The following ARID4B variants were observed in gnomAD, a reference collection of about 807,000 sequenced individuals.
The protein encoded by ARID4B is AT-rich interaction domain 4B.
In ARID4B, 26 loss-of-function variants were observed where a neutral mutation model predicts 147.5. The ratio of observed to expected loss-of-function variants is 0.18; its 90% CI spans 0.13 to 0.24. The LOEUF (loss-of-function observed/expected upper bound fraction) is 0.24, where lower values mean the gene tolerates loss of function less well. Among genes scored for constraint, ARID4B ranks in the 10% least tolerant of loss-of-function variants. ARID4B has a pLI of 1.00. For synonymous variants in ARID4B, 512 were observed against 507.9 expected, an observed-to-expected ratio of 1.01 and a Z score of -0.11; for missense variants, 1,179 against 1,511.5, an observed-to-expected ratio of 0.78 and a Z score of 3.65.
intron 18 of ARID4B, among the ~76,000 whole-genome samples, chr1:235,195,490 G>A (rs552216696): frequency 2.8e-4 from 42 of 152,038 alleles, no homozygotes; most frequent in Non-Finnish European, 5.7e-4. Context: ...CTACTCGGGA[G>A]GCTGAGGCAT....
At chr1:235,185,999 C>G (rs1258507971) in intron 19 of ARID4B, among the ~76,000 whole-genome samples, 1 of 146,138 alleles carries the variant, frequency 6.8e-6, no homozygotes. Flanking sequence ...GAGACTGAGT[C>G]TTGCTCTGTC....
At chr1:235,324,299 T>C (rs866437089) in intron 2 of ARID4B, among the ~76,000 whole-genome samples, 1 of 152,210 alleles carries the variant, frequency 6.6e-6, no homozygotes. Context: ...ACAAATTCCT[T>C]ATGTATTACG....
At position 235,253,513 on chromosome 1, in the gene ARID4B, G is replaced by C. The variant is rs141794934; in HGVS notation, c.275-704C>G. ...ATGTCTATTAAAAGGTGATGGAAGT[G>C]TTAAGCAACTTGGCTGCAGTAATTA... On this transcript the variant is annotated intron_variant, in intron 5 of 23. Transcript: ENST00000264183. Among the ~76,000 whole-genome samples, 133 of 152,320 alleles carry C rather than the reference G, an allele frequency of 8.7e-4. 2 individuals carry two copies. The highest frequency in any genetic ancestry group is 3.0e-3 in the African/African-American group (126 of 41,574).
intron 8 of ARID4B, among the ~76,000 whole-genome samples, chr1:235,238,329 T>C (rs1030397850): frequency 3.9e-5 from 6 of 152,164 alleles, no homozygotes; most frequent in Non-Finnish European, 8.8e-5. Context: ...TTATTGAATG[T>C]CATTAACATA....
In ARID4B at chr1:235,263,715, G is replaced by A. The variant is rs574464730; in HGVS notation, c.7-2963C>T. On this transcript the variant is annotated intron_variant, in intron 2 of 23. Coordinates refer to ENST00000264183, the MANE Select transcript of ARID4B (RefSeq NM_016374.6). ...AAGACTTGCAGAAGGAGGGCTGGGC[G>A]CGGGACTCACACCTGTAATCCCACC... Among the ~76,000 whole-genome samples, 6 of 151,894 alleles carry A rather than the reference G, an allele frequency of 4.0e-5. No homozygotes were observed. The South Asian group carries it at 6.2e-4, about 16-fold the overall frequency.
chr1:235,258,010 A>G (rs2103111271), intron 3 of ARID4B, among the ~76,000 whole-genome samples: 1 of 152,246 alleles, frequency 6.6e-6, no homozygotes, highest in African/African-American at 2.4e-5. Context: ...TTAGGTAGGT[A>G]TGACTGTTCC....
intron 17 of ARID4B, among the ~76,000 whole-genome samples, chr1:235,201,093 C>G (rs1013970369): frequency 8.6e-5 from 13 of 151,984 alleles, no homozygotes; most frequent in Admixed American, 2.0e-4. Flanking sequence ...GGCAGTGAGC[C>G]AAGATCGCAC....
intron 10 of ARID4B, among the ~76,000 whole-genome samples, 178 bp from the exon 11 acceptor site, chr1:235,229,563 T>C (rs538807259): frequency 6.6e-6 from 1 of 152,366 alleles, no homozygotes; most frequent in South Asian, 2.1e-4. Context: ...TTTAATCCTA[T>C]CCATCCTATG....
intron 2 of ARID4B, among the ~76,000 whole-genome samples, chr1:235,270,016 C>T (rs1211404643): frequency 3.3e-5 from 5 of 152,042 alleles, no homozygotes; most frequent in African/African-American, 4.8e-5. Context: ...GGGCGCGGTG[C>T]CTCACGCCTG....
chr1:235,231,914 A>C (rs1013721805), intron 9 of ARID4B, among the ~76,000 whole-genome samples: 1 of 152,144 alleles, frequency 6.6e-6, no homozygotes, highest in African/African-American at 2.4e-5. Flanking sequence ...CAAGACCAGG[A>C]TAGGTAATAT....
intron 17 of ARID4B, among the ~76,000 whole-genome samples, chr1:235,207,833 GATTTA>G (rs1432131641): frequency 1.3e-5 from 2 of 152,110 alleles, no homozygotes; most frequent in Non-Finnish European, 2.9e-5. Flanking sequence ...CTCCTAAGAG[GATTTA>G]ATTTGTTTGG....
At chr1:235,309,407 C>T (rs543008485) in intron 2 of ARID4B, among the ~76,000 whole-genome samples, 5 of 151,284 alleles carry the variant, frequency 3.3e-5, no homozygotes, top group Admixed American at 6.6e-5. Flanking sequence ...GGCAGCCACC[C>T]GTCCGGGAGG....
At chr1:235,214,465 A>AT (rs1437446577) in intron 16 of ARID4B, among the ~76,000 whole-genome samples, 1 of 152,030 alleles carries the variant, frequency 6.6e-6, no homozygotes, top group Non-Finnish European at 1.5e-5. Context: ...TGTTTGTTTC[A>AT]TTTTTTTAGA....
At chr1:235,195,925 A>G in intron 18 of ARID4B, 106 bp downstream of exon 18, 1 of 695,630 alleles carries the variant, frequency 1.4e-6, no homozygotes, top group South Asian at 1.8e-5. Flanking sequence ...CATTTGAAAA[A>G]TGTGCTATTT....
chr1:235,204,126 A>T (rs182496374), intron 17 of ARID4B, among the ~76,000 whole-genome samples: 8 of 152,306 alleles, frequency 5.3e-5, no homozygotes, highest in Non-Finnish European at 2.9e-5. Context: ...TTTCAAGACC[A>T]GCCTGGCCAG....
chr1:235,231,924 T>C (rs904964811), intron 9 of ARID4B, among the ~76,000 whole-genome samples: 4 of 152,102 alleles, frequency 2.6e-5, no homozygotes, highest in East Asian at 1.9e-4. Context: ...ATAGGTAATA[T>C]AGCGAGACCC....
intron 7 of ARID4B, among the ~76,000 whole-genome samples, chr1:235,240,796 C>A (rs939071262): frequency 6.6e-6 from 1 of 152,096 alleles, no homozygotes; most frequent in Non-Finnish European, 1.5e-5. Flanking sequence ...ATCCCAATCT[C>A]AAATTAAAGG....
intron 2 of ARID4B, among the ~76,000 whole-genome samples, chr1:235,306,469 C>G (rs1435527845): frequency 6.6e-6 from 1 of 150,474 alleles, no homozygotes; most frequent in Non-Finnish European, 1.5e-5. Flanking sequence ...TACCACTGCA[C>G]TCCAGCCTGG....
rs192251545 is a variant in ARID4B, at chr1:235,169,129, G to T, written c.3812-477C>A. Among the ~76,000 whole-genome samples, 199 of 152,252 alleles carry T rather than the reference G, an allele frequency of 1.3e-3. 1 individual carries two copies. The highest frequency in any genetic ancestry group is 2.2e-4 in the Non-Finnish European group (15 of 68,024). On this transcript the variant is annotated intron_variant, in intron 23 of 23. Coordinates refer to ENST00000264183, the MANE Select transcript of ARID4B (RefSeq NM_016374.6). ...TGCTTCTTCAAGTTGGATCAAAACAGTGCATAGCTCAACTGTTGCATTCTC... is the reference window on the plus strand; with the variant it reads ...TGCTTCTTCAAGTTGGATCAAAACATTGCATAGCTCAACTGTTGCATTCTC...
Sources: gnomAD v4.1 joint callset for allele counts (sites outside exome capture counted in the v4.1 genomes callset) on GRCh38, gnomAD v4.1.1 for gene constraint, MANE v1.5 for transcripts, NCBI Gene and HGNC (gene_info 2026-07-23, HGNC 2026-07-21) for gene names.